KIAA1217: variants seen among roughly 807,000 people sequenced by gnomAD.
The protein encoded by KIAA1217 is KIAA1217.
In KIAA1217, 88 loss-of-function variants were observed where a neutral mutation model predicts 163.9. The ratio of observed to expected loss-of-function variants is 0.54; its 90% CI spans 0.45 to 0.64. The LOEUF is 0.64. KIAA1217 is among the 30% of genes least tolerant of loss of function. KIAA1217 has a pLI of 0.00. For missense variants in KIAA1217, 2,372 were observed against 2,475.0 expected (o/e 0.96, Z 0.88); for synonymous variants, 903 against 923.1 (o/e 0.98, Z 0.39).
intron 3 of KIAA1217, among the ~76,000 whole-genome samples, chr10:24,413,934 C>G (rs530757613): frequency 6.6e-6 from 1 of 152,292 alleles, no homozygotes; most frequent in East Asian, 1.9e-4. Context: ...CTATCTACAT[C>G]AATAGAAGCT....
chr10:24,131,651 G>GA (rs1304695805), intron 2 of KIAA1217, among the ~76,000 whole-genome samples: 5 of 152,038 alleles, frequency 3.3e-5, no homozygotes, highest in African/African-American at 1.2e-4. Context: ...ACAGGCCCGA[G>GA]AAAATGATAA....
chr10:24,337,641 TTTTCTTTTC>T (rs1268320592), intron 2 of KIAA1217, among the ~76,000 whole-genome samples: 1,884 of 65,404 alleles, frequency 0.029, 101 homozygotes, highest in African/African-American at 0.13. Context: ...TTTTCTTTTC[TTTTCTTTTC>T]TTTTTTTTTT....
intron 9 of KIAA1217, among the ~76,000 whole-genome samples, chr10:24,503,063 G>T (rs1016627308): frequency 1.3e-5 from 2 of 152,202 alleles, no homozygotes; most frequent in Non-Finnish European, 2.9e-5. Flanking sequence ...TCCTCTAATA[G>T]GAAAAAGGCT....
chr10:24,064,956 T>G (rs2131611501), intron 2 of KIAA1217, among the ~76,000 whole-genome samples: 1 of 152,352 alleles, frequency 6.6e-6, no homozygotes, highest in African/African-American at 2.4e-5. Context: ...TCTCTGATGG[T>G]AGTTTGTATT....
chr10:23,854,275 A>C (rs1390010486), intron 1 of KIAA1217, among the ~76,000 whole-genome samples: 2 of 152,110 alleles, frequency 1.3e-5, no homozygotes, highest in Non-Finnish European at 2.9e-5. Flanking sequence ...TTATGTACCC[A>C]GTAGTCATTC....
At chr10:23,899,236 C>A (rs1841849939) in intron 1 of KIAA1217, among the ~76,000 whole-genome samples, 2 of 152,118 alleles carry the variant, frequency 1.3e-5, no homozygotes, top group Non-Finnish European at 2.9e-5. Context: ...GCTAACTTTA[C>A]TGGATGATGC....
chr10:24,475,842 T>C (rs144041078), intron 6 of KIAA1217, among the ~76,000 whole-genome samples: 252 of 152,328 alleles, frequency 1.7e-3, no homozygotes, highest in Non-Finnish European at 2.9e-3. Flanking sequence ...ACAGAAAGGA[T>C]AACACACCTG....
intron 2 of KIAA1217, among the ~76,000 whole-genome samples, chr10:24,182,291 C>G (rs1031602860): frequency 1.3e-5 from 2 of 152,160 alleles, no homozygotes; most frequent in Non-Finnish European, 2.9e-5. Context: ...CGAAAATTAG[C>G]TGGGCATGGT....
At chr10:24,201,196 A>C (rs907002259) in intron 2 of KIAA1217, among the ~76,000 whole-genome samples, 1 of 152,116 alleles carries the variant, frequency 6.6e-6, no homozygotes, top group Non-Finnish European at 1.5e-5. Flanking sequence ...GCTTGAACCC[A>C]GGAGGCGGAG....
chr10:23,903,406 A>G (rs961970717), intron 1 of KIAA1217, among the ~76,000 whole-genome samples: 2 of 152,134 alleles, frequency 1.3e-5, no homozygotes, highest in African/African-American at 4.8e-5. Context: ...CATCATACCT[A>G]TTTAACCAAA....
At chr10:24,309,341 C>T (rs554063324) in intron 2 of KIAA1217, among the ~76,000 whole-genome samples, 840 of 57,188 alleles carry the variant, frequency 0.015, 9 homozygotes, top group African/African-American at 0.076. Flanking sequence ...GGCGCGCGCA[C>T]GCGCGCGCGC....
intron 2 of KIAA1217, among the ~76,000 whole-genome samples, chr10:24,305,443 C>T (rs1196479213): frequency 2.0e-5 from 3 of 152,108 alleles, no homozygotes; most frequent in East Asian, 3.9e-4. Context: ...AGCAGGCGTC[C>T]GAGGGTGTTA....
At chr10:23,900,676 T>C (rs1350332765) in intron 1 of KIAA1217, among the ~76,000 whole-genome samples, 2 of 152,078 alleles carry the variant, frequency 1.3e-5, no homozygotes, top group Non-Finnish European at 1.5e-5. Flanking sequence ...TCCCTGAAGA[T>C]AGGAGAAGTG....
intron 2 of KIAA1217, among the ~76,000 whole-genome samples, chr10:24,293,322 C>A (rs111542371): frequency 2.2e-4 from 33 of 152,330 alleles, no homozygotes; most frequent in Admixed American, 4.6e-4. Flanking sequence ...CTGCCAGCGT[C>A]GGCCTCCCAA....
intron 2 of KIAA1217, among the ~76,000 whole-genome samples, chr10:24,169,593 G>T: frequency 6.6e-6 from 1 of 152,116 alleles, no homozygotes; most frequent in Non-Finnish European, 1.5e-5. Flanking sequence ...AATGAATGAA[G>T]TGTAGATCTG....
chr10:24,409,990 C>CTTTT (rs2057598546), intron 3 of KIAA1217, among the ~76,000 whole-genome samples: 3 of 129,484 alleles, frequency 2.3e-5, no homozygotes, highest in African/African-American at 2.9e-5. Flanking sequence ...TTTTCTTTTT[C>CTTTT]TTTTTTCTTT....
chr10:24,257,101 C>T (rs565872723), intron 2 of KIAA1217, among the ~76,000 whole-genome samples: 3 of 152,102 alleles, frequency 2.0e-5, no homozygotes, highest in South Asian at 4.1e-4. Flanking sequence ...AACCCATGGC[C>T]ATGGTACTGG....
At chr10:24,048,896 T>C (rs1436542299) in intron 2 of KIAA1217, among the ~76,000 whole-genome samples, 1 of 151,634 alleles carries the variant, frequency 6.6e-6, no homozygotes, top group Non-Finnish European at 1.5e-5. Flanking sequence ...CTGTGTGTGG[T>C]GGCGGGCACC....
intron 3 of KIAA1217, among the ~76,000 whole-genome samples, chr10:24,405,453 G>T (rs2057103760): frequency 6.6e-6 from 1 of 152,200 alleles, no homozygotes; most frequent in Admixed American, 6.5e-5. Flanking sequence ...ATGTAAGGGG[G>T]TTAAAAGTAA....
Sources: gnomAD v4.1 joint callset for allele counts (sites outside exome capture counted in the v4.1 genomes callset) on GRCh38, gnomAD v4.1.1 for gene constraint, MANE v1.5 for transcripts, NCBI Gene and HGNC (gene_info 2026-07-23, HGNC 2026-07-21) for gene names.